MKLN1: variants seen among roughly 807,000 people sequenced by gnomAD.
MKLN1 encodes muskelin 1.
A neutral mutation model predicts 99.0 loss-of-function variants in MKLN1; 18 were observed. The ratio of observed to expected loss-of-function variants is 0.18; its 90% CI spans 0.13 to 0.27. The LOEUF is 0.27. MKLN1 is among the 10% of genes least tolerant of loss of function. The probability of loss-of-function intolerance (pLI) is 1.00; values close to 1 mark genes in which losing one functional copy is unlikely to be tolerated. For missense variants in MKLN1, 621 were observed against 875.9 expected (o/e 0.71, Z 3.67); for synonymous variants, 288 against 293.2 (o/e 0.98, Z 0.18).
intron 3 of MKLN1, among the ~76,000 whole-genome samples, chr7:131,305,163 G>A (rs974834532): frequency 9.2e-5 from 14 of 152,152 alleles, no homozygotes; most frequent in African/African-American, 2.4e-4. Context: ...GTGTTACCCA[G>A]TCTCAGTTAC....
At chr7:131,465,211 TAATA>T (rs1037064595) in intron 14 of MKLN1, among the ~76,000 whole-genome samples, 5 of 152,084 alleles carry the variant, frequency 3.3e-5, no homozygotes, top group Non-Finnish European at 7.4e-5. Context: ...AATTTAAATT[TAATA>T]AATGTATACA....
intron 3 of MKLN1, among the ~76,000 whole-genome samples, chr7:131,264,836 G>C (rs1377155346): frequency 6.6e-6 from 1 of 151,698 alleles, no homozygotes; most frequent in African/African-American, 2.4e-5. Context: ...CACTTATTCG[G>C]TAATTTTTTT....
chr7:131,117,402 C>T (rs1162118866), intron 1 of MKLN1, among the ~76,000 whole-genome samples: 2 of 151,582 alleles, frequency 1.3e-5, no homozygotes, highest in African/African-American at 4.8e-5. Flanking sequence ...TGCACTCCAG[C>T]CTGGGCGACA....
intron 1 of MKLN1, among the ~76,000 whole-genome samples, chr7:131,368,338 T>C (rs1800243150): frequency 6.6e-6 from 1 of 152,238 alleles, no homozygotes; most frequent in Non-Finnish European, 1.5e-5. Flanking sequence ...GATGGAAAAG[T>C]AGAGCCTGAT....
chr7:131,410,363 G>A (rs1794839404), intron 6 of MKLN1, among the ~76,000 whole-genome samples: 1 of 152,058 alleles, frequency 6.6e-6, no homozygotes, highest in Non-Finnish European at 1.5e-5. Flanking sequence ...ATAATGTGTA[G>A]TTCATAGGAT....
In MKLN1 at chr7:131,192,108, AT is replaced by A. The variant is rs1293971433; in HGVS notation, c.-296-10747del. On this transcript the variant is annotated intron_variant, in intron 2 of 7. Transcript: ENST00000416992. ...ATATTATATATATATGTATATATAT[AT>A]TATATATATACGTATATATATAAAA... 3.1e-3 allele frequency among the ~76,000 whole-genome samples: 245 copies of A among 79,440 alleles called. 19 individuals are homozygous for A. Among genetic ancestry groups the A allele is most frequent in the African/African-American group, 5.2e-3 (88 of 16,900 alleles). 52.1% of individuals were successfully genotyped at this position (79,440 alleles called of 152,430 possible).
intron 6 of MKLN1, among the ~76,000 whole-genome samples, chr7:131,400,519 ATATAT>A (rs1006276424): frequency 6.6e-5 from 4 of 60,352 alleles, no homozygotes; most frequent in Admixed American, 1.3e-4. Flanking sequence ...TAAAAAAAAA[ATATAT>A]ATATATATAT....
rs371439642 is a variant in MKLN1, at chr7:131,476,379, TTATG to T, written c.2032-2241_2032-2238del. On this transcript the variant is annotated intron_variant, in intron 16 of 17. Coordinates refer to ENST00000352689, the MANE Select transcript of MKLN1 (RefSeq NM_013255.5). ...TTGTTTGCATTTGTAGGTAACATGA[TTATG>T]TACATTCGAAACCCCATGGTGTCTA... 3.3e-3 allele frequency among the ~76,000 whole-genome samples: 504 copies of T among 152,276 alleles called. 5 individuals carry two copies. The highest frequency in any genetic ancestry group is 0.011 in the African/African-American group (455 of 41,568).
chr7:131,189,828 A>G (rs1166733995), intron 2 of MKLN1, among the ~76,000 whole-genome samples: 1 of 152,164 alleles, frequency 6.6e-6, no homozygotes, highest in Non-Finnish European at 1.5e-5. Flanking sequence ...AAAGGAACGG[A>G]GCTGTTGATG....
intron 6 of MKLN1, among the ~76,000 whole-genome samples, chr7:131,405,828 T>C (rs975000763): frequency 5.9e-5 from 9 of 152,136 alleles, no homozygotes; most frequent in African/African-American, 2.2e-4. Flanking sequence ...TGAGACTTGC[T>C]ATATAACCCA....
chr7:131,236,108 A>C (rs1455420088), intron 3 of MKLN1, among the ~76,000 whole-genome samples: 2 of 152,198 alleles, frequency 1.3e-5, no homozygotes, highest in Non-Finnish European at 2.9e-5. Flanking sequence ...ACGAGAAATT[A>C]ATCAGTTAAA....
intron 3 of MKLN1, among the ~76,000 whole-genome samples, chr7:131,266,814 G>A (rs188942357): frequency 2.6e-5 from 4 of 151,754 alleles, no homozygotes; most frequent in South Asian, 4.2e-4. Context: ...AGAAGTACCA[G>A]GTCTGCAAGT....
At chr7:131,263,294 A>G (rs1797759384) in intron 3 of MKLN1, among the ~76,000 whole-genome samples, 1 of 151,490 alleles carries the variant, frequency 6.6e-6, no homozygotes, top group African/African-American at 2.4e-5. Context: ...ACTTTAGCCC[A>G]GAAGTTCAAG....
rs397950661 is a variant in MKLN1 at position 131,285,957 on chromosome 7, C to CCT, written c.-179+82983_-179+82984insCT. ...CGTGTGTTTCCTCAGCATCTATGGACTTTTTTTTTTTTTTTTGAGACACAG... is the reference window on the plus strand; with the variant it reads ...CGTGTGTTTCCTCAGCATCTATGGACCTTTTTTTTTTTTTTTTTGAGACACAG... On this transcript the variant is annotated intron_variant, in intron 3 of 7. Coordinates refer to the MKLN1 transcript ENST00000416992. Among the ~76,000 whole-genome samples the CCT allele has an allele frequency of 8.5e-3, 1,006 of 117,760 alleles. 14 individuals carry two copies. The highest frequency in any genetic ancestry group is 0.029 in the African/African-American group (914 of 31,860). The allele number at this position is 117,760 out of a possible 152,430, so 77.3% of individuals were successfully genotyped here. A position where few individuals can be genotyped will look rare whatever the true frequency, so the allele number is the denominator to read the frequency against.
intron 2 of MKLN1, among the ~76,000 whole-genome samples, chr7:131,186,372 G>A (rs1796450428): frequency 6.6e-6 from 1 of 152,158 alleles, no homozygotes; most frequent in Non-Finnish European, 1.5e-5. Flanking sequence ...GCTGGGCATG[G>A]TAGCACACGC....
chr7:131,396,964 G>C (rs1376472427), intron 4 of MKLN1, among the ~76,000 whole-genome samples: 1 of 152,142 alleles, frequency 6.6e-6, no homozygotes, highest in African/African-American at 2.4e-5. Context: ...TTTGCTGCTT[G>C]TACATTTGAT....
chr7:131,123,627 A>C (rs1193892289), intron 1 of MKLN1, among the ~76,000 whole-genome samples: 2 of 152,162 alleles, frequency 1.3e-5, no homozygotes, highest in African/African-American at 4.8e-5. Context: ...GTCTCTAGTA[A>C]AAATACAAAA....
intron 2 of MKLN1, among the ~76,000 whole-genome samples, chr7:131,144,008 C>T (rs929692892): frequency 6.6e-6 from 1 of 152,040 alleles, no homozygotes; most frequent in Admixed American, 6.6e-5. Context: ...TTTCTCTAGC[C>T]CCATAACTGA....
intron 2 of MKLN1, among the ~76,000 whole-genome samples, chr7:131,163,376 G>T (rs2116318280): frequency 6.6e-6 from 1 of 152,320 alleles, no homozygotes; most frequent in South Asian, 2.1e-4. Flanking sequence ...AGGATCGAAG[G>T]TAGAAGGAAC....
Sources: allele counts gnomAD v4.1 joint callset (sites outside exome capture counted in the v4.1 genomes callset), GRCh38; gene constraint gnomAD v4.1.1; transcripts MANE v1.5; gene names NCBI Gene and HGNC (gene_info 2026-07-23, HGNC 2026-07-21).